Variants in LRRIQ1 observed in about 807,000 individuals in gnomAD.
LRRIQ1 encodes the protein leucine rich repeats and IQ motif containing 1, also known as leucine-rich repeat- and IQ domain-containing protein 1.
LRRIQ1 carries 210 observed loss-of-function variants against 211.9 expected under a neutral mutation model. The ratio of observed to expected loss-of-function variants is 0.99; its 90% confidence interval spans 0.89 to 1.11. The LOEUF is 1.11. Among genes scored for constraint, LRRIQ1 ranks in the 50% most tolerant of loss-of-function variants. The probability of loss-of-function intolerance (pLI) is 0.00; values close to 1 mark genes in which losing one functional copy is unlikely to be tolerated. For missense variants in LRRIQ1, 2,136 were observed against 1,939.5 expected (o/e 1.10, Z -1.90); for synonymous variants, 699 against 650.1 (o/e 1.08, Z -1.14).
At chr12:85,102,922 C>A in intron 13 of LRRIQ1, among the ~76,000 whole-genome samples, 1 of 124,242 alleles carries the variant, frequency 8.0e-6, no homozygotes. Context: ...GGAATTAATT[C>A]AGAAGGCTTT....
chr12:85,243,415 T>TATTTATTTTA (rs1895563284), intron 26 of LRRIQ1, among the ~76,000 whole-genome samples: 1 of 149,490 alleles, frequency 6.7e-6, no homozygotes, highest in African/African-American at 2.4e-5. Context: ...AAACGATTTT[T>TATTTATTTTA]ATTTATTTTA....
At chr12:85,091,465 T>C (rs1296902898) in intron 11 of LRRIQ1, among the ~76,000 whole-genome samples, 2 of 152,202 alleles carry the variant, frequency 1.3e-5, no homozygotes, top group African/African-American at 4.8e-5. Flanking sequence ...ACTCTGTTGA[T>C]AGTTTCTTTT....
chr12:85,113,928 T>G (rs570114530), intron 15 of LRRIQ1, among the ~76,000 whole-genome samples: 1 of 151,752 alleles, frequency 6.6e-6, no homozygotes, highest in East Asian at 1.9e-4. Flanking sequence ...TGTGTGTGTG[T>G]GTGTGTGTGT....
At position 85,056,795 on chromosome 12, in the gene LRRIQ1, G is replaced by A. The variant is rs1458302370; in HGVS notation, c.2002G>A (p.Glu668Lys). 6.2e-7 allele frequency: 1 copy of A among 1,610,004 alleles called. No homozygotes were observed. The highest frequency in any genetic ancestry group is 8.5e-7 in the Non-Finnish European group (1 of 1,178,660). Residue 668 changes from glutamate to lysine, a missense_variant, in exon 8 of 27, where the codon GAA becomes AAA. By Grantham distance (56) the Glu-to-Lys change is moderately conservative. Transcript: ENST00000393217. ...CACAACTGATACCATGATAAATATA[G>A]AAGGCAAAAGAAATGACCAAGATTA... ...FNTTDTMINIEGKRNDQDYVL... is the reference protein window; with the variant it reads ...FNTTDTMINIKGKRNDQDYVL...
intron 24 of LRRIQ1, among the ~76,000 whole-genome samples, chr12:85,206,092 T>A (rs1893530707): frequency 6.6e-6 from 1 of 152,210 alleles, no homozygotes; most frequent in Admixed American, 6.5e-5. Flanking sequence ...AGATCCTTGC[T>A]CATTTGCACA....
At chr12:85,245,241 TA>T, downstream of LRRIQ1, 1 of 236,036 alleles carries the variant, frequency 4.2e-6, no homozygotes. Flanking sequence ...GTTAGATTTA[TA>T]TATGAAAGTA....
At chr12:85,171,520 A>T (rs766481477) in intron 24 of LRRIQ1, among the ~76,000 whole-genome samples, 15 of 152,242 alleles carry the variant, frequency 9.9e-5, no homozygotes, top group Non-Finnish European at 1.8e-4. Context: ...ACAGAAAAAG[A>T]TACATTATCT....
At chr12:85,116,170 T>A (rs1592825134) in intron 15 of LRRIQ1, among the ~76,000 whole-genome samples, 1 of 152,294 alleles carries the variant, frequency 6.6e-6, no homozygotes, top group South Asian at 2.1e-4. Flanking sequence ...TGAGACGGAG[T>A]CTCGCTCTGT....
At chr12:85,127,732 T>G in intron 17 of LRRIQ1, 100 bp from the exon 18 acceptor site, 3 of 891,078 alleles carry the variant, frequency 3.4e-6, no homozygotes, top group Non-Finnish European at 5.3e-6. Flanking sequence ...ATACTTTATG[T>G]GTTCTTTGTT....
chr12:85,074,418 C>T (rs956580248), intron 11 of LRRIQ1, among the ~76,000 whole-genome samples: 2 of 151,918 alleles, frequency 1.3e-5, no homozygotes, highest in African/African-American at 4.8e-5. Context: ...TATCTATCCC[C>T]TCAAAGATTT....
At chr12:85,118,468 C>T (rs544307664) in intron 15 of LRRIQ1, among the ~76,000 whole-genome samples, 86 of 143,532 alleles carry the variant, frequency 6.0e-4, no homozygotes, top group Non-Finnish European at 1.1e-3. Flanking sequence ...GGGTTGGGAG[C>T]TATTTCTGCT....
intron 11 of LRRIQ1, among the ~76,000 whole-genome samples, chr12:85,079,189 C>T (rs1261253258): frequency 6.7e-6 from 1 of 150,066 alleles, no homozygotes; most frequent in Non-Finnish European, 1.5e-5. Flanking sequence ...TCTGGGAGGT[C>T]TCTGGACCAC....
At chr12:85,052,324 T>C in intron 7 of LRRIQ1, 73 bp downstream of exon 7, 1 of 787,988 alleles carries the variant, frequency 1.3e-6, no homozygotes, top group South Asian at 2.0e-5. Context: ...CTTGAAATGG[T>C]TATTTTTAGA....
chr12:85,065,110 C>A, intron 8 of LRRIQ1, 152 bp from the exon 9 acceptor site: 1 of 558,356 alleles, frequency 1.8e-6, no homozygotes, highest in Non-Finnish European at 2.8e-6. Flanking sequence ...GGCCAGATAG[C>A]TTAACAAATT....
At chr12:85,203,349 A>G (rs1481278993) in intron 24 of LRRIQ1, among the ~76,000 whole-genome samples, 2 of 152,174 alleles carry the variant, frequency 1.3e-5, no homozygotes, top group African/African-American at 4.8e-5. Context: ...CAGCAGTGTG[A>G]AAATGGACTA....
the LRRIQ1 span, among the ~76,000 whole-genome samples, chr12:85,272,422 T>C: frequency 1.3e-5 from 2 of 152,106 alleles, no homozygotes; most frequent in African/African-American, 2.4e-5. Flanking sequence ...AAAAATAGCA[T>C]ATATGAATCA....
chr12:85,154,227 G>GA (rs1038813453), intron 23 of LRRIQ1, 133 bp downstream of exon 23: 37 of 398,454 alleles, frequency 9.3e-5, no homozygotes, highest in East Asian at 6.0e-4. Context: ...AAGATACTCT[G>GA]AAAAAAAATA....
intron 15 of LRRIQ1, among the ~76,000 whole-genome samples, chr12:85,116,894 T>G (rs1320610101): frequency 6.7e-6 from 1 of 149,542 alleles, no homozygotes. Flanking sequence ...CTTTTTTTTT[T>G]TTTATGGCTG....
intron 19 of LRRIQ1, among the ~76,000 whole-genome samples, chr12:85,138,558 A>G (rs1889304908): frequency 6.6e-6 from 1 of 151,502 alleles, no homozygotes; most frequent in Non-Finnish European, 1.5e-5. Flanking sequence ...CACTGCAGGA[A>G]GGTGATGAAG....
Sources: allele counts gnomAD v4.1 joint callset (sites outside exome capture counted in the v4.1 genomes callset), GRCh38; gene constraint gnomAD v4.1.1; transcripts MANE v1.5; gene names NCBI Gene and HGNC (gene_info 2026-07-23, HGNC 2026-07-21).